Variants in CSMD1 observed in about 807,000 individuals in gnomAD.
The protein encoded by CSMD1 is CUB and Sushi multiple domains 1, also known as CUB and sushi domain-containing protein 1.
A neutral mutation model predicts 417.5 loss-of-function variants in CSMD1; 213 were observed. That is an observed-to-expected ratio of 0.51 (90% CI 0.46 to 0.57). The LOEUF (loss-of-function observed/expected upper bound fraction) is 0.57, where lower values mean the gene tolerates loss of function less well. CSMD1 is among the 20% of genes least tolerant of loss of function. The probability of loss-of-function intolerance (pLI) is 0.00; values close to 1 mark genes in which losing one functional copy is unlikely to be tolerated. For synonymous variants in CSMD1, 2,862 were observed against 1,736.8 expected (o/e 1.65, Z -16.11); for missense variants, 6,923 against 4,529.7 (o/e 1.53, Z -15.17).
chr8:3,046,116 C>G (rs1018029846), intron 50 of CSMD1, among the ~76,000 whole-genome samples: 3 of 152,142 alleles, frequency 2.0e-5, no homozygotes, highest in Non-Finnish European at 2.9e-5. Context: ...CCATGGAACT[C>G]TCAGGAGTTT....
intron 49 of CSMD1, among the ~76,000 whole-genome samples, chr8:3,061,456 G>A (rs905783275): frequency 6.6e-6 from 1 of 152,284 alleles, no homozygotes; most frequent in Non-Finnish European, 1.5e-5. Context: ...ACCATCAAAT[G>A]TTTTCTCTGC....
At chr8:4,645,812 G>C (rs370521265) in intron 1 of CSMD1, among the ~76,000 whole-genome samples, 1 of 152,020 alleles carries the variant, frequency 6.6e-6, no homozygotes, top group African/African-American at 2.4e-5. Context: ...TTTAGATTCC[G>C]GGACACATCA....
intron 10 of CSMD1, among the ~76,000 whole-genome samples, chr8:3,506,524 G>C (rs966970739): frequency 2.0e-5 from 3 of 152,166 alleles, no homozygotes; most frequent in South Asian, 2.1e-4. Context: ...TGGAGCAGCA[G>C]TTACACAGAT....
chr8:4,686,247 C>T (rs951201288), intron 1 of CSMD1, among the ~76,000 whole-genome samples: 36 of 152,314 alleles, frequency 2.4e-4, no homozygotes, highest in East Asian at 9.6e-4. Flanking sequence ...TTTCCTCTTG[C>T]CAAGCACGAG....
intron 5 of CSMD1, among the ~76,000 whole-genome samples, chr8:3,848,978 G>C (rs768244581): frequency 1.3e-5 from 2 of 151,012 alleles, no homozygotes; most frequent in South Asian, 2.1e-4. Context: ...TATACTCCTA[G>C]TTAATCTTAT....
At chr8:3,702,954 C>T (rs981779694) in intron 7 of CSMD1, among the ~76,000 whole-genome samples, 4 of 152,184 alleles carry the variant, frequency 2.6e-5, no homozygotes, top group Non-Finnish European at 5.9e-5. Context: ...GGTGCTTGCT[C>T]AGTTTATTCC....
chr8:4,746,961 G>C (rs543509120), intron 1 of CSMD1, among the ~76,000 whole-genome samples: 1 of 152,310 alleles, frequency 6.6e-6, no homozygotes, highest in Non-Finnish European at 1.5e-5. Flanking sequence ...CCAAATTAGA[G>C]AGAGGGAAGA....
intron 1 of CSMD1, among the ~76,000 whole-genome samples, chr8:4,818,849 C>A (rs2117374722): frequency 6.6e-6 from 1 of 152,250 alleles, no homozygotes; most frequent in East Asian, 1.9e-4. Context: ...ATTTTTCCCA[C>A]TTCACAGATA....
At chr8:4,661,069 T>C (rs78665884) in intron 1 of CSMD1, among the ~76,000 whole-genome samples, 13,296 of 152,196 alleles carry the variant, frequency 0.087, 1,096 homozygotes, top group African/African-American at 0.21. Context: ...AGTTTCTTTA[T>C]AAAACACAAC....
intron 1 of CSMD1, among the ~76,000 whole-genome samples, chr8:4,751,243 G>T (rs534151247): frequency 3.5e-4 from 53 of 152,260 alleles, no homozygotes; most frequent in South Asian, 6.2e-4. Flanking sequence ...AAATTAGGCA[G>T]ACATTGTGGC....
intron 15 of CSMD1, among the ~76,000 whole-genome samples, chr8:3,401,779 C>T (rs571317376): frequency 2.6e-5 from 4 of 152,198 alleles, no homozygotes; most frequent in Non-Finnish European, 5.9e-5. Flanking sequence ...CCTAATTGAC[C>T]AGAACCCATG....
intron 23 of CSMD1, among the ~76,000 whole-genome samples, chr8:3,320,205 TGG>T (rs1806062287): frequency 6.6e-6 from 1 of 152,146 alleles, no homozygotes. Context: ...AACTAAGCAG[TGG>T]GGCCCGTGGC....
intron 3 of CSMD1, among the ~76,000 whole-genome samples, chr8:4,402,124 T>G (rs1167046669): frequency 6.6e-6 from 1 of 152,152 alleles, no homozygotes; most frequent in Non-Finnish European, 1.5e-5. Context: ...TTCCATTCTC[T>G]TTCATTAATT....
chr8:3,284,667 G>A (rs1372885419), intron 25 of CSMD1: 28 of 285,210 alleles, frequency 9.8e-5, no homozygotes, highest in Non-Finnish European at 1.4e-4. Flanking sequence ...GCTTTCTACG[G>A]CACACAAACC....
chr8:3,263,637 CAT>C lies in CSMD1; in HGVS notation c.4153+20505_4153+20506del, dbSNP rs141138887. ...AATTATATTTTTGAGAGATTGATAACATATAGTTACCCAAATTAGAAAATGTA... is the reference window on the plus strand; with the variant it reads ...AATTATATTTTTGAGAGATTGATAACATAGTTACCCAAATTAGAAAATGTA... On this transcript the variant is annotated intron_variant, in intron 26 of 69. Coordinates refer to ENST00000635120, the MANE Select transcript of CSMD1 (RefSeq NM_033225.6). Among the ~76,000 whole-genome samples the C allele has an allele frequency of 1.5e-3, 235 of 152,202 alleles. 2 individuals carry two copies. Among genetic ancestry groups the C allele is most frequent in the African/African-American group, 5.5e-3 (228 of 41,532 alleles).
chr8:4,453,305 A>T (rs1424927881), intron 2 of CSMD1, among the ~76,000 whole-genome samples: 1 of 151,928 alleles, frequency 6.6e-6, no homozygotes, highest in African/African-American at 2.4e-5. Context: ...ACTGGCAATC[A>T]ACTGTCCCCA....
At chr8:3,570,782 G>C (rs1004209953) in intron 10 of CSMD1, among the ~76,000 whole-genome samples, 2 of 152,138 alleles carry the variant, frequency 1.3e-5, no homozygotes, top group Non-Finnish European at 2.9e-5. Flanking sequence ...AAGCAAGCAA[G>C]CTAATAAAGC....
chr8:3,017,945 G>A (rs1563242335), intron 52 of CSMD1, among the ~76,000 whole-genome samples: 2 of 151,482 alleles, frequency 1.3e-5, no homozygotes, highest in Admixed American at 1.3e-4. Context: ...TCTTTAAACT[G>A]CTTATTCAAG....
rs190400042 is a variant in CSMD1, at chr8:4,539,368, G to A, written c.302+97974C>T. On this transcript the variant is annotated intron_variant, in intron 2 of 69. Coordinates refer to ENST00000635120, the MANE Select transcript of CSMD1 (RefSeq NM_033225.6). Reference sequence around the variant, plus strand: ...TCTCTTTCACTAAGCCCATGGATCAGCAGGAATGTTTTTGGAGTGTTCCCA... The same window carrying A: ...TCTCTTTCACTAAGCCCATGGATCAACAGGAATGTTTTTGGAGTGTTCCCA... 2.3e-3 allele frequency among the ~76,000 whole-genome samples: 345 copies of A among 152,272 alleles called. 3 individuals carry two copies. Among genetic ancestry groups the A allele is most frequent in the African/African-American group, 8.1e-3 (335 of 41,562 alleles).
Sources: allele counts gnomAD v4.1 joint callset (sites outside exome capture counted in the v4.1 genomes callset), GRCh38; gene constraint gnomAD v4.1.1; transcripts MANE v1.5; gene names NCBI Gene and HGNC (gene_info 2026-07-23, HGNC 2026-07-21).